PRDM2: variants seen among roughly 807,000 people sequenced by gnomAD.
The protein encoded by PRDM2 is PR/SET domain 2.
Under a neutral mutation model 130.0 loss-of-function variants are expected in PRDM2, and 30 were observed. That is an observed-to-expected ratio of 0.23 (90% CI 0.17 to 0.31). The LOEUF is 0.31. Among genes scored for constraint, PRDM2 ranks in the 10% least tolerant of loss-of-function variants. PRDM2 has a pLI of 1.00. For synonymous variants in PRDM2, 871 were observed against 782.4 expected (o/e 1.11, Z -1.89); for missense variants, 2,011 against 2,108.4 (o/e 0.95, Z 0.90).
chr1:13,741,898 A>T, intron 4 of PRDM2, 107 bp from the exon 5 acceptor site: 1 of 842,186 alleles, frequency 1.2e-6, no homozygotes, highest in Non-Finnish European at 1.9e-6. Context: ...CTTTATATAG[A>T]GTACTTGCAT....
At chr1:13,763,201 A>G (rs1283463908) in intron 6 of PRDM2, among the ~76,000 whole-genome samples, 10 of 152,224 alleles carry the variant, frequency 6.6e-5, no homozygotes, top group Non-Finnish European at 1.5e-5. Context: ...ATTCAACATG[A>G]TTGTTTAAAT....
rs185797248 is a variant in PRDM2, at chr1:13,716,061, A to G, written c.9+447A>G. On this transcript the variant is annotated intron_variant, in intron 2 of 9. Coordinates refer to ENST00000311066, the MANE Select transcript of PRDM2 (RefSeq NM_001393986.1). ...CTTGGAACCAACCCAAATGTCCAAC[A>G]ATGATAGAACTGGATTAAGAAAATG... 5.2e-3 allele frequency among the ~76,000 whole-genome samples: 792 copies of G among 152,306 alleles called. 6 individuals are homozygous for G. The highest frequency in any genetic ancestry group is 0.018 in the African/African-American group (758 of 41,552).
At chr1:13,770,144 G>A (rs1313342794) in intron 6 of PRDM2, among the ~76,000 whole-genome samples, 2 of 152,118 alleles carry the variant, frequency 1.3e-5, no homozygotes, top group African/African-American at 2.4e-5. Context: ...ACTGCAAATG[G>A]CTTCTCCTCA....
intron 6 of PRDM2, among the ~76,000 whole-genome samples, chr1:13,769,976 G>T (rs1264338856): frequency 6.6e-6 from 1 of 152,150 alleles, no homozygotes; most frequent in Non-Finnish European, 1.5e-5. Context: ...TACAGGTGCA[G>T]TTAAACATCT....
At chr1:13,764,584 A>G (rs1644180247) in intron 6 of PRDM2, among the ~76,000 whole-genome samples, 1 of 152,222 alleles carries the variant, frequency 6.6e-6, no homozygotes, top group Non-Finnish European at 1.5e-5. Flanking sequence ...TTCTGACAGC[A>G]TAAAAGCTCG....
intron 2 of PRDM2, among the ~76,000 whole-genome samples, chr1:13,728,581 T>C (rs1270581223): frequency 6.6e-6 from 1 of 152,154 alleles, no homozygotes; most frequent in East Asian, 1.9e-4. Flanking sequence ...CTGTTGTAGT[T>C]TGGTCTTTTT....
intron 6 of PRDM2, among the ~76,000 whole-genome samples, chr1:13,756,385 G>A (rs1569886555): frequency 6.6e-6 from 1 of 152,152 alleles, no homozygotes; most frequent in Admixed American, 6.5e-5. Flanking sequence ...GAAGTTTCAG[G>A]TAGACTGGCA....
chr1:13,820,292 G>A (rs755100815), intron 9 of PRDM2, among the ~76,000 whole-genome samples: 7 of 152,146 alleles, frequency 4.6e-5, no homozygotes, highest in Non-Finnish European at 7.3e-5. Context: ...CCCGTCTCCC[G>A]GACAGTTTGA....
At chr1:13,741,240 A>G (rs1037647961) in intron 4 of PRDM2, among the ~76,000 whole-genome samples, 2 of 152,160 alleles carry the variant, frequency 1.3e-5, no homozygotes, top group Non-Finnish European at 2.9e-5. Context: ...TGTGGGAGGA[A>G]TTGGTGTGGG....
Position 13,778,884 on chromosome 1 carries a change from A to G in PRDM2, c.1089A>G (p.Gln363=). ...DVFETFMFPC[Q]HCERKFTTKQ... is the part of the protein sequence containing the mutation. ...TTGAAACGTTTATGTTTCCGTGTCA[A>G]CATTGTGAAAGGAAGTTTACAACCA... is the stretch of plus-strand genomic sequence containing the variant. The change falls in exon 8 of 10, where the codon CAA becomes CAG. Residue 363 remains glutamine (Q), a synonymous_variant. Transcript: ENST00000311066. 6.2e-7 allele frequency: 1 copy of G among 1,614,250 alleles called. No individual in the cohort carries two copies. Among genetic ancestry groups the G allele is most frequent in the Non-Finnish European group, 8.5e-7 (1 of 1,180,044 alleles).
chr1:13,769,430 G>A (rs1644307180), intron 6 of PRDM2, among the ~76,000 whole-genome samples: 1 of 152,194 alleles, frequency 6.6e-6, no homozygotes, highest in Admixed American at 6.5e-5. Context: ...GTATGTGTGG[G>A]CAGGACCCCT....
intron 8 of PRDM2, among the ~76,000 whole-genome samples, chr1:13,815,360 C>T (rs1405282236): frequency 6.6e-6 from 1 of 152,192 alleles, no homozygotes; most frequent in African/African-American, 2.4e-5. Flanking sequence ...GATCCACCCG[C>T]CTCAGCCTCC....
intron 7 of PRDM2, 48 bp from the exon 8 acceptor site, chr1:13,778,370 G>T: frequency 6.6e-7 from 1 of 1,515,666 alleles, no homozygotes; most frequent in Non-Finnish European, 8.9e-7. Context: ...CCAAGTAGCT[G>T]GTTTCCCATG....
In PRDM2 at chr1:13,781,743, A is replaced by G. The variant is rs1465567076; in HGVS notation, c.3948A>G (p.Thr1316=). The part of the protein sequence containing the change: ...HHRNPMGIGV[T]ATNFTTHNIP... ...GTAACCCCATGGGGATTGGTGTGAC[A>G]GCCACAAATTTCACTACACACAATA... Residue 1316 remains threonine (T), a synonymous_variant, in exon 8 of 10, where the codon ACA becomes ACG. Transcript: ENST00000311066. The surrounding 1 kb of genome is among the most constrained non-coding windows in gnomAD (Gnocchi z 6.1). 1.9e-6 allele frequency: 3 copies of G among 1,614,216 alleles called. No individual in the cohort carries two copies. In the South Asian group the frequency reaches 3.3e-5, roughly 18 times the overall value.
chr1:13,722,855 A>G, intron 2 of PRDM2: 3 of 516,340 alleles, frequency 5.8e-6, no homozygotes, highest in Non-Finnish European at 1.2e-5. Context: ...TGAATCAGAT[A>G]CTTTGTAGAC....
At position 13,782,308 on chromosome 1, in the gene PRDM2, A is replaced by C. The variant is rs1329164927; in HGVS notation, c.4513A>C (p.Ser1505Arg). Reference sequence around the variant, plus strand: ...AGGTGGACACTCATCACCTGCAAGTAGTGACAAAAACAGTAACAGCAACCA... The same window carrying C: ...AGGTGGACACTCATCACCTGCAAGTCGTGACAAAAACAGTAACAGCAACCA... ...KKGGHSSPAS[S>R]DKNSNSNHRR... is the part of the protein sequence containing the mutation. Residue 1505 changes from serine to arginine, a missense_variant, in exon 8 of 10, where the codon AGT (serine) becomes CGT (arginine). Coordinates refer to ENST00000311066, the MANE Select transcript of PRDM2 (RefSeq NM_001393986.1). 6.2e-7 allele frequency: 1 copy of C among 1,614,076 alleles called. No homozygotes were observed. The highest frequency in any genetic ancestry group is 8.5e-7 in the Non-Finnish European group (1 of 1,180,014).
chr1:13,742,255 C>A, intron 5 of PRDM2, 98 bp downstream of exon 5: 1 of 1,348,426 alleles, frequency 7.4e-7, no homozygotes. Context: ...GGCTGGAGTG[C>A]AGGGGCTCCA....
Position 13,823,417 on chromosome 1 carries a change from G to A in PRDM2, c.*282G>A. Reference sequence around the variant, plus strand: ...GGGATGATACTTGGATGCAGCTCTTGGGACCGTGTTCTGCAGCCCAGCCTT... The same window carrying A: ...GGGATGATACTTGGATGCAGCTCTTAGGACCGTGTTCTGCAGCCCAGCCTT... On this transcript the variant is annotated 3_prime_UTR_variant, in exon 10 of 10. Transcript: ENST00000311066. 1 of 570,808 alleles carries A rather than the reference G, an allele frequency of 1.8e-6. No individual in the cohort carries two copies. The highest frequency in any genetic ancestry group is 3.1e-5 in the Admixed American group (1 of 31,854). The allele number at this position is 570,808 out of a possible 1,614,324, so 35.4% of individuals were successfully genotyped here.
At chr1:13,802,139 C>T (rs1420676674) in intron 8 of PRDM2, among the ~76,000 whole-genome samples, 4 of 152,234 alleles carry the variant, frequency 2.6e-5, no homozygotes, top group Admixed American at 1.3e-4. Context: ...ACCCTGGGCA[C>T]ATTCTGAGGA....
Sources: gnomAD v4.1 joint callset for allele counts (sites outside exome capture counted in the v4.1 genomes callset) on GRCh38, gnomAD v4.1.1 for gene constraint, Gnocchi (gnomAD v3.1) non-coding constraint, MANE v1.5 for transcripts, NCBI Gene and HGNC (gene_info 2026-07-23, HGNC 2026-07-21) for gene names.